RUFY3: variants seen among roughly 807,000 people sequenced by gnomAD.
The protein encoded by RUFY3 is RUN and FYVE domain containing 3.
In RUFY3, 34 loss-of-function variants were observed where a neutral mutation model predicts 84.0. That is an observed-to-expected ratio of 0.40 (90% CI 0.31 to 0.54). The LOEUF (loss-of-function observed/expected upper bound fraction) is 0.54, where lower values mean the gene tolerates loss of function less well. RUFY3 is among the 20% of genes least tolerant of loss of function. RUFY3 has a pLI of 0.39. For synonymous variants in RUFY3, 242 were observed against 252.9 expected (o/e 0.96, Z 0.41); for missense variants, 507 against 736.8 (o/e 0.69, Z 3.61).
At chr4:70,705,313 T>A (rs1040688563) in intron 1 of RUFY3, 47 of 1,350,216 alleles carry the variant, frequency 3.5e-5, no homozygotes, top group Middle Eastern at 2.7e-4. Context: ...CGGAGGGGCA[T>A]GGGGACGCCC....
chr4:70,802,215 C>T (rs16845455), intron 15 of RUFY3, among the ~76,000 whole-genome samples: 10 of 152,252 alleles, frequency 6.6e-5, no homozygotes, highest in Admixed American at 2.6e-4. Flanking sequence ...TAGCTGCAAT[C>T]GTTAGACATA....
At chr4:70,728,271 G>T (rs1718623966) in intron 1 of RUFY3, among the ~76,000 whole-genome samples, 2 of 152,204 alleles carry the variant, frequency 1.3e-5, no homozygotes, top group African/African-American at 4.8e-5. Context: ...TAGCGTATTG[G>T]TTGTTTACCC....
chr4:70,732,945 T>C (rs1042701567), intron 1 of RUFY3, among the ~76,000 whole-genome samples: 2 of 151,716 alleles, frequency 1.3e-5, no homozygotes, highest in Non-Finnish European at 2.9e-5. Flanking sequence ...CGGGCGCCTG[T>C]AATCCCAGCT....
rs1465187778 is a variant in RUFY3, at chr4:70,808,467, A to G, written c.*1808A>G. 6.6e-6 allele frequency among the ~76,000 whole-genome samples: 1 copy of G among 152,250 alleles called. No homozygotes were observed. Among genetic ancestry groups the G allele is most frequent in the African/African-American group, 2.4e-5 (1 of 41,474 alleles). On this transcript the variant is annotated 3_prime_UTR_variant, in exon 18 of 18. Coordinates refer to ENST00000381006, the MANE Select transcript of RUFY3 (RefSeq NM_001037442.4). ...TGATTTAGAATTCTGGGGTGGAAATATCCTGGAACCATGTTTTTTAATAAA... is the reference window on the plus strand; with the variant it reads ...TGATTTAGAATTCTGGGGTGGAAATGTCCTGGAACCATGTTTTTTAATAAA...
At position 70,774,670 on chromosome 4, in the gene RUFY3, T is replaced by TAA. The variant is rs1553916830; in HGVS notation, c.759-495_759-494dup. 3.3e-3 allele frequency among the ~76,000 whole-genome samples: 264 copies of TAA among 80,758 alleles called. 1 individual carries two copies. Among genetic ancestry groups the TAA allele is most frequent in the African/African-American group, 4.3e-3 (82 of 18,866 alleles). The allele number at this position is 80,758 out of a possible 152,430, so 53.0% of individuals were successfully genotyped here. On this transcript the variant is annotated intron_variant, in intron 6 of 17. Coordinates refer to ENST00000381006, the MANE Select transcript of RUFY3 (RefSeq NM_001037442.4). ...ATATATATATATATATATATATATA[T>TAA]AAAATAAACATTCAATCTTCGTGAA...
At chr4:70,762,789 G>C in intron 2 of RUFY3, 97 bp downstream of exon 2, 1 of 1,037,148 alleles carries the variant, frequency 9.6e-7, no homozygotes, top group Non-Finnish European at 1.4e-6. Flanking sequence ...AAGAATAAGA[G>C]GCTTGAATTA....
Position 70,793,790 on chromosome 4 carries a change from G to T in RUFY3, c.1343G>T (p.Arg448Leu), listed in dbSNP as rs372273317. Reference sequence around the variant, plus strand: ...TTCATGTGGCTCACATCCAGATTGCGCCAGGCTGAGCGAAGCCGCCAATCT... The same window carrying T: ...TTCATGTGGCTCACATCCAGATTGCTCCAGGCTGAGCGAAGCCGCCAATCT... Reference protein sequence around the residue: ...ATIKQLEQRLRQAERSRQSAE... With the variant: ...ATIKQLEQRLLQAERSRQSAE... Residue 448 changes from arginine (R) to leucine (L), a missense_variant, in exon 13 of 18, where the codon CGC becomes CTC. By Grantham distance (102) the Arg-to-Leu change is moderately radical (BLOSUM62 -2). Coordinates refer to ENST00000381006, the MANE Select transcript of RUFY3 (RefSeq NM_001037442.4). 24 of 1,613,720 alleles carry T rather than the reference G, an allele frequency of 1.5e-5. No individual in the cohort carries two copies. The highest frequency in any genetic ancestry group is 4.5e-5 in the East Asian group (2 of 44,890).
chr4:70,767,332 A>G (rs1275034572), intron 4 of RUFY3, among the ~76,000 whole-genome samples: 2 of 137,028 alleles, frequency 1.5e-5, no homozygotes. Flanking sequence ...CTGGTCTCGA[A>G]CTTCCGACCT....
At chr4:70,721,943 A>G, upstream of RUFY3, 7 of 1,232,046 alleles carry the variant, frequency 5.7e-6, no homozygotes, top group Non-Finnish European at 7.1e-6. Flanking sequence ...AGCTGGTCAC[A>G]TGAGCCTGAA....
intron 8 of RUFY3, among the ~76,000 whole-genome samples, chr4:70,779,414 A>G (rs1227426090): frequency 6.6e-6 from 1 of 152,174 alleles, no homozygotes; most frequent in Non-Finnish European, 1.5e-5. Context: ...TCCCTAAAAT[A>G]AGAACAGAAA....
chr4:70,725,994 G>A (rs1305413931), intron 1 of RUFY3, among the ~76,000 whole-genome samples: 1 of 152,208 alleles, frequency 6.6e-6, no homozygotes, highest in Non-Finnish European at 1.5e-5. Flanking sequence ...TTATGTCTGG[G>A]AGTAACATAA....
chr4:70,773,507 G>C lies in RUFY3; in HGVS notation c.697-4G>C, dbSNP rs756561572. ...ATATTAAAACCTGAAAATTCTCTCTGTAGGTTGGAGTTATAGATTTTTCAA... is the reference window on the plus strand; with the variant it reads ...ATATTAAAACCTGAAAATTCTCTCTCTAGGTTGGAGTTATAGATTTTTCAA... On this transcript the variant is annotated splice_region_variant and splice_polypyrimidine_tract_variant and intron_variant, in intron 5 of 17. Coordinates refer to ENST00000381006, the MANE Select transcript of RUFY3 (RefSeq NM_001037442.4). 1.9e-6 allele frequency: 3 copies of C among 1,604,682 alleles called. No individual in the cohort carries two copies. Among genetic ancestry groups the C allele is most frequent in the Non-Finnish European group, 2.6e-6 (3 of 1,171,844 alleles).
At chr4:70,749,159 TG>T in intron 1 of RUFY3, among the ~76,000 whole-genome samples, 1 of 152,320 alleles carries the variant, frequency 6.6e-6, no homozygotes, top group East Asian at 1.9e-4. Context: ...AAGGAATTCT[TG>T]GGTTGTATTT....
chr4:70,799,985 G>T (rs1374934101), intron 14 of RUFY3, 156 bp from the exon 15 acceptor site: 2 of 609,032 alleles, frequency 3.3e-6, no homozygotes, highest in African/African-American at 1.9e-5. Flanking sequence ...TTAGAGCAAA[G>T]AATGAGGAAA....
At position 70,764,471 on chromosome 4, in the gene RUFY3, G is replaced by C; in HGVS notation, c.471-4G>C. On this transcript the variant is annotated splice_region_variant and splice_polypyrimidine_tract_variant and intron_variant, in intron 3 of 17. Transcript: ENST00000381006. Reference sequence around the variant, plus strand: ...TCAGTTGTTTGATTTCTGTGTTTTTGTAGGACACCAGTAGGTAGAGGAAGA... The same window carrying C: ...TCAGTTGTTTGATTTCTGTGTTTTTCTAGGACACCAGTAGGTAGAGGAAGA... The C allele has an allele frequency of 6.2e-7, 1 of 1,601,622 alleles. No homozygotes were observed.
rs1194801031 is a variant in RUFY3, at chr4:70,773,495, A to G, written c.697-16A>G. On this transcript the variant is annotated splice_polypyrimidine_tract_variant and intron_variant, in intron 5 of 17. Transcript: ENST00000381006. Reference sequence around the variant, plus strand: ...ATATCTAATTTTATATTAAAACCTGAAAATTCTCTCTGTAGGTTGGAGTTA... The same window carrying G: ...ATATCTAATTTTATATTAAAACCTGGAAATTCTCTCTGTAGGTTGGAGTTA... The G allele has an allele frequency of 6.3e-7, 1 of 1,594,582 alleles. No homozygotes were observed. The highest frequency in any genetic ancestry group is 2.2e-5 in the East Asian group (1 of 44,632).
chr4:70,768,082 G>A (rs113879296), intron 4 of RUFY3, among the ~76,000 whole-genome samples: 3,126 of 152,170 alleles, frequency 0.021, 117 homozygotes, highest in East Asian at 0.16. Flanking sequence ...CAGTCCTCCC[G>A]CCTTGGTCTC....
Position 70,802,973 on chromosome 4 carries a change from T to C in RUFY3, c.1640T>C (p.Met547Thr), listed in dbSNP as rs1233536492. Residue 547 changes from methionine (M) to threonine (T), a missense_variant, in exon 16 of 18, where the codon ATG (methionine) becomes ACG (threonine). Transcript: ENST00000381006. The stretch of plus-strand genomic sequence containing the variant: ...CATTGTAGGCTGCAACCCCACCCTA[T>C]GGATGAACAGGTAACAGAGCCTCCT... The part of the protein sequence containing the change: ...EESHRLQPHP[M>T]DEQDQLLLSE... The C allele has an allele frequency of 6.2e-7, 1 of 1,609,234 alleles. No individual in the cohort carries two copies. Among genetic ancestry groups the C allele is most frequent in the African/African-American group, 1.3e-5 (1 of 74,804 alleles).
At chr4:70,789,378 A>T in intron 11 of RUFY3, 117 bp from the exon 12 acceptor site, 1 of 1,000,612 alleles carries the variant, frequency 1.0e-6, no homozygotes, top group East Asian at 2.5e-5. Context: ...GGATTAACTG[A>T]TATTGAAATA....
Sources: gnomAD v4.1 joint callset for allele counts (sites outside exome capture counted in the v4.1 genomes callset) on GRCh38, gnomAD v4.1.1 for gene constraint, MANE v1.5 for transcripts, NCBI Gene and HGNC (gene_info 2026-07-23, HGNC 2026-07-21) for gene names.